The following CWF19L1 variants were observed in gnomAD, a reference collection of about 807,000 sequenced individuals.
CWF19L1 encodes the protein CWF19 like cell cycle control factor 1, also known as CWF19-like protein 1.
In CWF19L1, 60 loss-of-function variants were observed where a neutral mutation model predicts 69.7. That is an observed-to-expected ratio of 0.86 (90% confidence interval 0.70 to 1.07). CWF19L1 has a LOEUF of 1.07. Ranked by LOEUF, CWF19L1 falls within the 50% of genes least tolerant of loss-of-function variation. The pLI, the probability that CWF19L1 is intolerant of heterozygous loss-of-function variation, is 0.00. For synonymous variants in CWF19L1, 209 were observed against 222.2 expected, an observed-to-expected ratio of 0.94 and a Z score of 0.53; for missense variants, 591 against 638.9, an observed-to-expected ratio of 0.92 and a Z score of 0.81.
chr10:100,256,219 G>A, intron 5 of CWF19L1, 43 bp downstream of exon 5: 1 of 1,473,870 alleles, frequency 6.8e-7, no homozygotes, highest in Non-Finnish European at 9.5e-7. Context: ...TCAAGCCAGT[G>A]CAATTTGCTT....
At chr10:100,267,343 C>T (rs190600632) in intron 1 of CWF19L1, 1 of 808,430 alleles carries the variant, frequency 1.2e-6, no homozygotes, top group East Asian at 1.3e-4. Flanking sequence ...TGGGAGCTTC[C>T]GCCTCTCCGA....
At chr10:100,265,513 T>TTTTTTC (rs2134330442) in intron 1 of CWF19L1, among the ~76,000 whole-genome samples, 1 of 145,796 alleles carries the variant, frequency 6.9e-6, no homozygotes, top group East Asian at 2.0e-4. Flanking sequence ...AGTATTTTCT[T>TTTTTTC]TTTTTCTTTT....
chr10:100,237,158 A>G (rs753649138), intron 11 of CWF19L1, 189 bp from the exon 12 acceptor site: 13 of 762,688 alleles, frequency 1.7e-5, no homozygotes, highest in Non-Finnish European at 2.8e-5. Context: ...AGCCTGACAC[A>G]TGTGGGAGCC....
At chr10:100,247,199 G>A (rs149911047) in intron 7 of CWF19L1, among the ~76,000 whole-genome samples, 1,783 of 152,282 alleles carry the variant, frequency 0.012, 16 homozygotes, top group Non-Finnish European at 0.017. Flanking sequence ...TTCTCACTCG[G>A]ATAATGGAAT....
At chr10:100,245,947 TTC>T in intron 8 of CWF19L1, 34 bp from the exon 9 acceptor site, 1 of 1,477,256 alleles carries the variant, frequency 6.8e-7, no homozygotes, top group Non-Finnish European at 9.5e-7. Flanking sequence ...TTAAATGTTA[TTC>T]AACTAACCTT....
intron 13 of CWF19L1, among the ~76,000 whole-genome samples, chr10:100,234,241 A>G (rs1846361089): frequency 6.6e-6 from 1 of 152,226 alleles, no homozygotes; most frequent in African/African-American, 2.4e-5. Context: ...GCAAACTTTG[A>G]GCCTATTTCA....
chr10:100,250,230 A>C lies in CWF19L1; in HGVS notation c.708+18T>G. ...AGACCATGAATATCAACCTTCCACC[A>C]AATAGGTAAATCTTTACCTTTTTCT... On this transcript the variant is annotated intron_variant, in intron 7 of 13. Coordinates refer to ENST00000354105, the MANE Select transcript of CWF19L1 (RefSeq NM_018294.6). 2.0e-6 allele frequency: 3 copies of C among 1,530,422 alleles called. No homozygotes were observed. The highest frequency in any genetic ancestry group is 2.7e-6 in the Non-Finnish European group (3 of 1,104,796). The allele number at this position is 1,530,422 out of a possible 1,614,324, so 94.8% of individuals were successfully genotyped here.
intron 7 of CWF19L1, among the ~76,000 whole-genome samples, chr10:100,249,922 T>C (rs1846967077): frequency 6.6e-6 from 1 of 152,174 alleles, no homozygotes; most frequent in Non-Finnish European, 1.5e-5. Context: ...ATGAAGTTGC[T>C]AAAGAAGTAA....
intron 6 of CWF19L1, among the ~76,000 whole-genome samples, chr10:100,250,733 C>T (rs1296622833): frequency 1.3e-5 from 2 of 151,912 alleles, no homozygotes; most frequent in Non-Finnish European, 2.9e-5. Flanking sequence ...ACTGCTTGAG[C>T]CCAGGAGTTT....
chr10:100,263,829 C>T (rs775845447), intron 1 of CWF19L1, among the ~76,000 whole-genome samples: 2 of 152,244 alleles, frequency 1.3e-5, no homozygotes, highest in Admixed American at 6.5e-5. Flanking sequence ...CCTCTGTCAT[C>T]ACTCTACCTA....
At position 100,243,926 on chromosome 10, in the gene CWF19L1, C is replaced by T. The variant is rs116840393; in HGVS notation, c.965-149G>A. ...TGGGCTGAGCCTGTGCTCCTCACTA[C>T]GACCCCCTATGAACATTTTCAATGA... On this transcript the variant is annotated intron_variant, in intron 9 of 13. Transcript: ENST00000354105. 2,183 of 648,360 alleles carry T rather than the reference C, an allele frequency of 3.4e-3. 27 individuals carry two copies. The African/African-American group carries it at 0.034, about 10-fold the overall frequency. The allele number at this position is 648,360 out of a possible 1,614,324, so 40.2% of individuals were successfully genotyped here.
Position 100,260,275 on chromosome 10 carries a change from C to G in CWF19L1, c.232G>C (p.Val78Leu), listed in dbSNP as rs753505484. The part of the protein sequence containing the change: ...YVLGANNQET[V>L]KYFQDADGCE... ...CCATCAGCATCCTGGAAATATTTTA[C>G]TGTTTCCTGGTTATTAGCACCAAGC... The change falls in exon 4 of 14, where the codon GTA becomes CTA. Residue 78 changes from valine to leucine, a missense_variant. This residue lies in a region of CWF19L1 where 129 missense variants were observed against 131.3 expected (regional missense o/e 0.98). Transcript: ENST00000354105. 17 of 1,612,814 alleles carry G rather than the reference C, an allele frequency of 1.1e-5. No individual in the cohort carries two copies. Among genetic ancestry groups the G allele is most frequent in the Non-Finnish European group, 1.4e-5 (16 of 1,179,046 alleles).
intron 11 of CWF19L1, 122 bp from the exon 12 acceptor site, chr10:100,237,091 T>A: frequency 8.3e-7 from 1 of 1,209,002 alleles, no homozygotes; most frequent in Non-Finnish European, 1.2e-6. Flanking sequence ...GCACAGAATA[T>A]CCTCAGGCCA....
intron 5 of CWF19L1, among the ~76,000 whole-genome samples, chr10:100,255,804 C>T (rs1175644425): frequency 1.3e-5 from 2 of 150,870 alleles, no homozygotes; most frequent in Non-Finnish European, 2.9e-5. Context: ...GTGGCGCATG[C>T]CTATAATCTT....
intron 6 of CWF19L1, among the ~76,000 whole-genome samples, chr10:100,252,540 A>T (rs577702391): frequency 5.6e-4 from 85 of 152,250 alleles, no homozygotes; most frequent in Non-Finnish European, 4.0e-4. Context: ...AAAATAAAAA[A>T]AAATATTTTC....
rs749485151 is a variant in CWF19L1, at chr10:100,261,035, A to G, written c.118T>C (p.Cys40Arg). Residue 40 changes from cysteine to arginine, a missense_variant, in exon 3 of 14, where the codon TGT becomes CGT. Cys to Arg is a radical substitution (Grantham distance 180). Coordinates refer to ENST00000354105, the MANE Select transcript of CWF19L1 (RefSeq NM_018294.6). ...KKSGNFDLLL[C>R]VGNFFGSTQD... Reference sequence around the variant, plus strand: ...GTGGAGCCAAAGAAATTTCCTACACACAACAGCAGCTAAAATGAGTTTTTT... The same window carrying G: ...GTGGAGCCAAAGAAATTTCCTACACGCAACAGCAGCTAAAATGAGTTTTTT... 2.5e-6 allele frequency: 4 copies of G among 1,611,822 alleles called. No individual in the cohort carries two copies. The Admixed American group carries it at 5.0e-5, about 20-fold the overall frequency.
intron 1 of CWF19L1, among the ~76,000 whole-genome samples, chr10:100,266,677 G>A (rs1315613007): frequency 7.7e-6 from 1 of 129,412 alleles, no homozygotes; most frequent in Non-Finnish European, 1.5e-5. Context: ...CACCACGCCT[G>A]GCTAATTTTT....
intron 7 of CWF19L1, among the ~76,000 whole-genome samples, chr10:100,247,207 A>T (rs1366059174): frequency 6.6e-6 from 1 of 152,210 alleles, no homozygotes; most frequent in Non-Finnish European, 1.5e-5. Flanking sequence ...CGGATAATGG[A>T]ATAGTGACAA....
intron 1 of CWF19L1, among the ~76,000 whole-genome samples, chr10:100,266,921 C>G (rs1589639753): frequency 6.7e-6 from 1 of 149,426 alleles, no homozygotes; most frequent in Non-Finnish European, 1.5e-5. Context: ...TCTCGGCTCA[C>G]AGCAACCTCC....
Sources: allele counts gnomAD v4.1 joint callset (sites outside exome capture counted in the v4.1 genomes callset), GRCh38; gene constraint gnomAD v4.1.1; regional missense constraint gnomAD v4.1.1; transcripts MANE v1.5; gene names NCBI Gene and HGNC (gene_info 2026-07-23, HGNC 2026-07-21).